The following DNER variants were observed in gnomAD, a reference collection of about 807,000 sequenced individuals.
DNER encodes the protein delta/notch like EGF repeat containing.
In DNER, 33 loss-of-function variants were observed where a neutral mutation model predicts 78.2. That is an observed-to-expected ratio of 0.42 (90% CI 0.32 to 0.56). The LOEUF (loss-of-function observed/expected upper bound fraction) is 0.56. DNER is among the 20% of genes least tolerant of loss of function. The probability of loss-of-function intolerance (pLI) is 0.11; values close to 1 mark genes in which losing one functional copy is unlikely to be tolerated. For missense variants in DNER, 918 were observed against 975.3 expected, an observed-to-expected ratio of 0.94 and a Z score of 0.78; for synonymous variants, 417 against 384.8, an observed-to-expected ratio of 1.08 and a Z score of -0.98.
intron 11 of DNER, among the ~76,000 whole-genome samples, chr2:229,376,082 C>A (rs1426900717): frequency 6.6e-6 from 1 of 152,230 alleles, no homozygotes; most frequent in East Asian, 1.9e-4. Flanking sequence ...TTGTAAGTTT[C>A]CTGAGACCTT....
chr2:229,493,025 G>A (rs1451996029), intron 6 of DNER, among the ~76,000 whole-genome samples: 1 of 152,048 alleles, frequency 6.6e-6, no homozygotes, highest in Non-Finnish European at 1.5e-5. Context: ...CACTTCTTGA[G>A]GTGAAAAAGG....
chr2:229,410,915 T>C (rs1693503416), intron 9 of DNER, among the ~76,000 whole-genome samples: 1 of 152,248 alleles, frequency 6.6e-6, no homozygotes, highest in Admixed American at 6.5e-5. Flanking sequence ...TCTCATTTCA[T>C]CCAAACTTAC....
At chr2:229,500,432 T>C (rs959541707) in intron 6 of DNER, among the ~76,000 whole-genome samples, 3 of 152,138 alleles carry the variant, frequency 2.0e-5, no homozygotes, top group African/African-American at 4.8e-5. Flanking sequence ...TCTTGAACAC[T>C]GGGAATGCAA....
At chr2:229,605,063 T>A (rs1461702682) in intron 1 of DNER, among the ~76,000 whole-genome samples, 1 of 152,172 alleles carries the variant, frequency 6.6e-6, no homozygotes, top group African/African-American at 2.4e-5. Context: ...TTTATTTTTT[T>A]TTCTCCATGA....
chr2:229,461,793 G>C (rs935245585), intron 7 of DNER, among the ~76,000 whole-genome samples: 4 of 151,970 alleles, frequency 2.6e-5, no homozygotes, highest in African/African-American at 7.3e-5. Flanking sequence ...TGAACATAGT[G>C]ATATCTCTGG....
chr2:229,433,600 T>C (rs946060339), intron 8 of DNER, among the ~76,000 whole-genome samples: 1 of 152,224 alleles, frequency 6.6e-6, no homozygotes, highest in African/African-American at 2.4e-5. Flanking sequence ...AACAAGTTCA[T>C]ATTCAAATTC....
chr2:229,547,204 C>T (rs920117894), intron 4 of DNER, 112 bp from the exon 5 acceptor site: 1 of 1,430,132 alleles, frequency 7.0e-7, no homozygotes, highest in Non-Finnish European at 9.3e-7. Flanking sequence ...GTGTAGGCAG[C>T]ACTCAAGTCT....
intron 10 of DNER, among the ~76,000 whole-genome samples, chr2:229,391,172 T>C (rs956190373): frequency 2.0e-5 from 3 of 152,242 alleles, no homozygotes; most frequent in Admixed American, 2.0e-4. Flanking sequence ...CTATGAATTA[T>C]AGAAAAGTTT....
chr2:229,631,495 C>G (rs1286591273), intron 1 of DNER, among the ~76,000 whole-genome samples: 4 of 152,166 alleles, frequency 2.6e-5, no homozygotes, highest in Admixed American at 2.6e-4. Context: ...GCTGATGGAG[C>G]TTTCTTGGGG....
chr2:229,684,203 T>TGC (rs1699445561), intron 1 of DNER, among the ~76,000 whole-genome samples: 1 of 150,742 alleles, frequency 6.6e-6, no homozygotes, highest in African/African-American at 2.4e-5. Flanking sequence ...TGTGTGTGTG[T>TGC]GTGTGTGTTG....
chr2:229,434,745 T>C (rs2106356773), intron 8 of DNER, among the ~76,000 whole-genome samples: 1 of 152,244 alleles, frequency 6.6e-6, no homozygotes, highest in East Asian at 1.9e-4. Flanking sequence ...GCTCAATCTA[T>C]ATGGAATTAT....
chr2:229,363,784 G>A (rs1243861431), intron 12 of DNER, among the ~76,000 whole-genome samples: 3 of 152,018 alleles, frequency 2.0e-5, no homozygotes, highest in Admixed American at 6.6e-5. Context: ...ACTATTTTGG[G>A]GCTGAGTTAA....
chr2:229,361,476 G>A (rs1692208036), intron 12 of DNER, among the ~76,000 whole-genome samples: 1 of 152,136 alleles, frequency 6.6e-6, no homozygotes, highest in South Asian at 2.1e-4. Context: ...GTTGAACATA[G>A]TCAAGCCTAT....
At chr2:229,670,352 C>T (rs1175985098) in intron 1 of DNER, among the ~76,000 whole-genome samples, 4 of 152,336 alleles carry the variant, frequency 2.6e-5, no homozygotes, top group East Asian at 1.9e-4. Flanking sequence ...CACAAGGCTG[C>T]GTGTGATGCT....
Position 229,591,192 on chromosome 2 carries a change from C to G in DNER, c.585+388G>C, listed in dbSNP as rs992884254. Among the ~76,000 whole-genome samples the G allele has an allele frequency of 6.6e-6, 1 of 152,160 alleles. No homozygotes were observed. Among genetic ancestry groups the G allele is most frequent in the Non-Finnish European group, 1.5e-5 (1 of 68,020 alleles). ...AATACTGTGTGTTGGTTATAAGCAA[C>G]CCAGTTTGTGGCATTTTTGTTATAG... On this transcript the variant is annotated intron_variant, in intron 2 of 12. Transcript: ENST00000341772. The surrounding 1 kb of genome is among the most constrained non-coding windows in gnomAD (Gnocchi z 4.6).
intron 5 of DNER, among the ~76,000 whole-genome samples, chr2:229,530,737 C>G (rs1169964190): frequency 6.6e-6 from 1 of 152,214 alleles, no homozygotes; most frequent in Non-Finnish European, 1.5e-5. Context: ...ACTAGAAACT[C>G]TCCTCTGCCG....
At chr2:229,657,849 G>A (rs528568519) in intron 1 of DNER, among the ~76,000 whole-genome samples, 3 of 152,276 alleles carry the variant, frequency 2.0e-5, no homozygotes, top group South Asian at 4.1e-4. Context: ...TCAGGAGTGC[G>A]ATGATAGAGT....
intron 6 of DNER, among the ~76,000 whole-genome samples, chr2:229,492,844 T>C (rs900726425): frequency 7.9e-5 from 12 of 152,042 alleles, no homozygotes; most frequent in African/African-American, 2.9e-4. Flanking sequence ...AAGCTTTTTT[T>C]ATTTTTCATA....
chr2:229,654,967 A>G (rs1165742683), intron 1 of DNER, among the ~76,000 whole-genome samples: 1 of 152,246 alleles, frequency 6.6e-6, no homozygotes, highest in Admixed American at 6.5e-5. Context: ...TACCAGAAGC[A>G]TCATTAAAAT....
Sources: gnomAD v4.1 joint callset for allele counts (sites outside exome capture counted in the v4.1 genomes callset) on GRCh38, gnomAD v4.1.1 for gene constraint, Gnocchi (gnomAD v3.1) non-coding constraint, MANE v1.5 for transcripts, NCBI Gene and HGNC (gene_info 2026-07-23, HGNC 2026-07-21) for gene names.